TBC1D7: variants seen among roughly 807,000 people sequenced by gnomAD.
TBC1D7 encodes the protein TBC domain family 7.
A neutral mutation model predicts 35.3 loss-of-function variants in TBC1D7; 33 were observed. That is an observed-to-expected ratio of 0.93 (90% CI 0.71 to 1.25). The LOEUF (loss-of-function observed/expected upper bound fraction) is 1.25. TBC1D7 is among the 50% of genes most tolerant of loss of function. The pLI, the probability that TBC1D7 is intolerant of heterozygous loss-of-function variation, is 0.00. For synonymous variants in TBC1D7, 135 were observed against 129.5 expected (o/e 1.04, Z -0.29); for missense variants, 362 against 365.3 (o/e 0.99, Z 0.07).
intron 5 of TBC1D7, among the ~76,000 whole-genome samples, chr6:13,313,621 T>TA: frequency 6.6e-6 from 1 of 152,086 alleles, no homozygotes; most frequent in Non-Finnish European, 1.5e-5. Context: ...ATCTCTTAGG[T>TA]TTAAATAGAG....
chr6:13,313,544 A>G (rs1398536562), intron 5 of TBC1D7, among the ~76,000 whole-genome samples: 1 of 137,998 alleles, frequency 7.2e-6, no homozygotes, highest in African/African-American at 2.7e-5. Context: ...GCTCGTAGGT[A>G]CCAAGCCTAG....
At chr6:13,325,247 T>C in intron 2 of TBC1D7, 73 bp from the exon 3 acceptor site, 5 of 1,140,082 alleles carry the variant, frequency 4.4e-6, no homozygotes. Context: ...ATTTCATTTT[T>C]TAAAACTCAA....
At chr6:13,322,428 T>C (rs1784108748) in intron 3 of TBC1D7, among the ~76,000 whole-genome samples, 1 of 152,184 alleles carries the variant, frequency 6.6e-6, no homozygotes, top group Admixed American at 6.5e-5. Flanking sequence ...TTATCTCCTA[T>C]GTCTTAGCTT....
rs587777652 is a variant in TBC1D7 at position 13,326,877 on chromosome 6, TTCTC to T, written c.18_21del (p.Arg7ThrfsTer21). ...TTCTCATAATATACTGAACGAAAGT[TTCTC>T]TGAGAGTCCTCAGTCATATTTCATT... On this transcript the variant is annotated frameshift_variant, in exon 2 of 8. Coordinates refer to ENST00000379300, the MANE Select transcript of TBC1D7 (RefSeq NM_016495.6). LOFTEE classifies it high-confidence loss of function. 1.9e-6 allele frequency: 3 copies of T among 1,609,662 alleles called. No homozygotes were observed. Among genetic ancestry groups the T allele is most frequent in the Non-Finnish European group, 2.5e-6 (3 of 1,177,818 alleles).
chr6:13,326,611 G>A (rs772818045), intron 2 of TBC1D7, among the ~76,000 whole-genome samples, 176 bp downstream of exon 2: 4 of 152,038 alleles, frequency 2.6e-5, no homozygotes, highest in Non-Finnish European at 4.4e-5. Flanking sequence ...AACTTCTGAC[G>A]CTCAGTGAAA....
intron 5 of TBC1D7, among the ~76,000 whole-genome samples, chr6:13,309,871 A>G (rs951267822): frequency 1.3e-5 from 2 of 152,210 alleles, no homozygotes; most frequent in African/African-American, 2.4e-5. Context: ...GAGAAGGAAA[A>G]AAGCCAAGAA....
chr6:13,323,614 C>G (rs1186426918), intron 3 of TBC1D7: 1 of 152,218 alleles, frequency 6.6e-6, no homozygotes, highest in Non-Finnish European at 1.5e-5. Flanking sequence ...GTTGTCACCG[C>G]TTCTCCAGAT....
At chr6:13,317,518 A>C (rs1470409991) in intron 4 of TBC1D7, among the ~76,000 whole-genome samples, 2 of 152,256 alleles carry the variant, frequency 1.3e-5, no homozygotes, top group Admixed American at 6.5e-5. Context: ...ATTTTAATGT[A>C]TTATTTCATT....
rs2127543677 is a variant in TBC1D7, at chr6:13,325,127, T to C, written c.160A>G (p.Met54Val). Residue 54 changes from methionine to valine, a missense_variant, in exon 3 of 8, where the codon ATG becomes GTG. Met to Val is a conservative substitution (Grantham distance 21, BLOSUM62 1). Coordinates refer to ENST00000379300, the MANE Select transcript of TBC1D7 (RefSeq NM_016495.6). ...ACCTTCCATACCAATGCACGGTACA[T>C]GGACGGGAGAGGGAACCTCTGACTA... is the stretch of plus-strand genomic sequence containing the variant. The part of the protein sequence containing the change: ...TFSQRFPLPS[M>V]YRALVWKVLL... 6.2e-7 allele frequency: 1 copy of C among 1,613,884 alleles called. No individual in the cohort carries two copies. The highest frequency in any genetic ancestry group is 8.5e-7 in the Non-Finnish European group (1 of 1,179,846).
chr6:13,316,858 G>A, intron 4 of TBC1D7, 150 bp from the exon 5 acceptor site: 1 of 886,544 alleles, frequency 1.1e-6, no homozygotes, highest in Non-Finnish European at 1.7e-6. Flanking sequence ...GTCCCTCCCT[G>A]AAGAGGGGAG....
chr6:13,326,477 A>G (rs2127545270), intron 2 of TBC1D7, among the ~76,000 whole-genome samples: 1 of 151,992 alleles, frequency 6.6e-6, no homozygotes, highest in South Asian at 2.1e-4. Context: ...AAAAAAAAAA[A>G]GAAAATCATG....
intron 4 of TBC1D7, 66 bp from the exon 5 acceptor site, chr6:13,316,774 A>G: frequency 6.4e-7 from 1 of 1,564,172 alleles, no homozygotes; most frequent in Non-Finnish European, 8.7e-7. Context: ...TTTCTTTAAT[A>G]AAAAATGAAA....
At chr6:13,327,093 T>C (rs1031536619) in intron 1 of TBC1D7, 187 bp from the exon 2 acceptor site, 3 of 438,102 alleles carry the variant, frequency 6.8e-6, no homozygotes, top group Non-Finnish European at 8.1e-6. Context: ...ATCTCACCTA[T>C]GCATCTTGGC....
chr6:13,305,401 T>C (rs1333238237), intron 7 of TBC1D7, among the ~76,000 whole-genome samples: 1 of 152,214 alleles, frequency 6.6e-6, no homozygotes, highest in Admixed American at 6.5e-5. Context: ...GCTCACTAAC[T>C]GTGCACCCCC....
chr6:13,318,052 G>A (rs1439757518), intron 4 of TBC1D7: 1 of 152,804 alleles, frequency 6.5e-6, no homozygotes, highest in Non-Finnish European at 1.5e-5. Flanking sequence ...CCTAAGAAGA[G>A]GAAGAGAGTC....
chr6:13,316,245 C>T (rs1010661539), intron 5 of TBC1D7, among the ~76,000 whole-genome samples: 3 of 152,202 alleles, frequency 2.0e-5, no homozygotes, highest in African/African-American at 4.8e-5. Context: ...CCAGCGGATT[C>T]TAGACCAGAA....
At chr6:13,321,988 G>A (rs1784074596) in intron 3 of TBC1D7, among the ~76,000 whole-genome samples, 1 of 152,156 alleles carries the variant, frequency 6.6e-6, no homozygotes. Context: ...TATAATCCCA[G>A]CACTTTGAGA....
chr6:13,316,530 T>C (rs907198145), intron 5 of TBC1D7, 41 bp downstream of exon 5: 7 of 1,590,454 alleles, frequency 4.4e-6, no homozygotes, highest in South Asian at 1.1e-5. Flanking sequence ...CCACTACCAT[T>C]GTTCACTCTC....
chr6:13,308,595 CT>C (rs1782975125), intron 5 of TBC1D7, among the ~76,000 whole-genome samples: 1 of 152,158 alleles, frequency 6.6e-6, no homozygotes, highest in Non-Finnish European at 1.5e-5. Context: ...AGAATGGGCT[CT>C]AAGAGTCAAA....
Sources: gnomAD v4.1 joint callset for allele counts (sites outside exome capture counted in the v4.1 genomes callset) on GRCh38, gnomAD v4.1.1 for gene constraint, MANE v1.5 for transcripts, NCBI Gene and HGNC (gene_info 2026-07-23, HGNC 2026-07-21) for gene names.